TTC29: variants seen among roughly 807,000 people sequenced by gnomAD.
TTC29 encodes the protein tetratricopeptide repeat protein 29.
Under a neutral mutation model 58.1 loss-of-function variants are expected in TTC29, and 49 were observed. The ratio of observed to expected loss-of-function variants is 0.84; its 90% CI spans 0.67 to 1.07. The LOEUF (loss-of-function observed/expected upper bound fraction) is 1.07, where lower values mean the gene tolerates loss of function less well. Among genes scored for constraint, TTC29 ranks in the 50% least tolerant of loss-of-function variants. The probability of loss-of-function intolerance (pLI) is 0.00; values close to 1 mark genes in which losing one functional copy is unlikely to be tolerated. For missense variants in TTC29, 582 were observed against 555.6 expected (o/e 1.05, Z -0.48); for synonymous variants, 209 against 196.8 (o/e 1.06, Z -0.52).
At chr4:146,919,878 T>C (rs1579985066) in intron 4 of TTC29, among the ~76,000 whole-genome samples, 2 of 151,220 alleles carry the variant, frequency 1.3e-5, no homozygotes, top group Middle Eastern at 6.8e-3. Flanking sequence ...AAAAACAAGT[T>C]GCATTATAAA....
chr4:146,809,350 C>A lies in TTC29; in HGVS notation c.1102-5665G>T, dbSNP rs965970357. Reference sequence around the variant, plus strand: ...GGGCAAAGACTTCATGACTAAAGCACCAAAAGCAATGGCAACAAAAGCCAA... The same window carrying A: ...GGGCAAAGACTTCATGACTAAAGCAACAAAAGCAATGGCAACAAAAGCCAA... On this transcript the variant is annotated intron_variant, in intron 10 of 12. Transcript: ENST00000325106. 3.6e-4 allele frequency among the ~76,000 whole-genome samples: 54 copies of A among 149,996 alleles called. 4 individuals are homozygous for A. The highest frequency in any genetic ancestry group is 6.8e-3 in the Middle Eastern group (2 of 292).
At chr4:146,899,948 G>C (rs1733029857) in intron 6 of TTC29, among the ~76,000 whole-genome samples, 1 of 152,188 alleles carries the variant, frequency 6.6e-6, no homozygotes, top group South Asian at 2.1e-4. Context: ...AGCTGTTGCT[G>C]CAAGGCCTCC....
At chr4:146,830,054 A>G (rs564365844) in intron 9 of TTC29, among the ~76,000 whole-genome samples, 8 of 152,184 alleles carry the variant, frequency 5.3e-5, no homozygotes, top group African/African-American at 1.9e-4. Context: ...TAATTTCTCA[A>G]CTGGCTTTCT....
At position 146,710,269 on chromosome 4, in the gene TTC29, G is replaced by A. The variant is rs118017795; in HGVS notation, c.1331-2718C>T. Among the ~76,000 whole-genome samples, 42 of 152,074 alleles carry A rather than the reference G, an allele frequency of 2.8e-4. No homozygotes were observed. In the East Asian group the frequency reaches 7.1e-3, roughly 26 times the overall value. On this transcript the variant is annotated intron_variant, in intron 11 of 12. Transcript: ENST00000325106. ...TTACTTCTGGGCTATGAACCTGTTC[G>A]GCACATTACTATAGTGAATATTGTA...
intron 11 of TTC29, among the ~76,000 whole-genome samples, chr4:146,755,454 C>T (rs1036400205): frequency 6.6e-6 from 1 of 152,112 alleles, no homozygotes; most frequent in African/African-American, 2.4e-5. Context: ...AAGCATCACA[C>T]TTTCTCGTTT....
At chr4:146,708,339 T>TATAC (rs1742178358) in intron 11 of TTC29, among the ~76,000 whole-genome samples, 1 of 74,490 alleles carries the variant, frequency 1.3e-5, no homozygotes, top group Non-Finnish European at 2.9e-5. Context: ...TATATATATA[T>TATAC]ATATATATAT....
At chr4:146,791,097 C>A (rs1749415325) in intron 11 of TTC29, among the ~76,000 whole-genome samples, 1 of 152,152 alleles carries the variant, frequency 6.6e-6, no homozygotes, top group African/African-American at 2.4e-5. Context: ...ATATTCTCGA[C>A]TGAGTTGAGA....
intron 8 of TTC29, among the ~76,000 whole-genome samples, chr4:146,834,674 G>A (rs933306386): frequency 6.6e-6 from 1 of 152,030 alleles, no homozygotes; most frequent in East Asian, 1.9e-4. Flanking sequence ...AATCCTTTTT[G>A]CACATTTTCT....
At chr4:146,708,308 TTATATATATATATATATATATATA>T (rs59963230) in intron 11 of TTC29, among the ~76,000 whole-genome samples, 30 of 62,198 alleles carry the variant, frequency 4.8e-4, no homozygotes, top group African/African-American at 8.4e-4. Context: ...TATGGGAAGT[TTATATATATATATATATATATATA>T]TATATATATA....
chr4:146,812,584 A>T (rs1372255904), intron 10 of TTC29, among the ~76,000 whole-genome samples: 2 of 152,202 alleles, frequency 1.3e-5, no homozygotes, highest in East Asian at 1.9e-4. Flanking sequence ...TGGGAGCTTT[A>T]TAATTAGCTA....
chr4:146,862,045 A>T (rs1035887124), intron 8 of TTC29, among the ~76,000 whole-genome samples: 1 of 152,158 alleles, frequency 6.6e-6, no homozygotes, highest in African/African-American at 2.4e-5. Context: ...CTCTCTTCAC[A>T]GCTACACTAT....
chr4:146,734,730 T>C (rs1744596742), intron 11 of TTC29, among the ~76,000 whole-genome samples: 1 of 152,104 alleles, frequency 6.6e-6, no homozygotes, highest in Non-Finnish European at 1.5e-5. Context: ...TGATGATTGC[T>C]GTGGTGTGAA....
chr4:146,773,574 G>C (rs1019638994), intron 11 of TTC29, among the ~76,000 whole-genome samples: 2 of 152,060 alleles, frequency 1.3e-5, no homozygotes, highest in African/African-American at 4.8e-5. Flanking sequence ...CAGACTACTT[G>C]ATCATAGGCT....
chr4:146,884,044 G>A (rs1463163794), intron 6 of TTC29, among the ~76,000 whole-genome samples: 1 of 151,930 alleles, frequency 6.6e-6, no homozygotes, highest in Non-Finnish European at 1.5e-5. Context: ...ATCAAACATG[G>A]TATAATTTTC....
rs540839426 is a variant in TTC29, at chr4:146,734,555, G to A, written c.1331-27004C>T. 3.3e-5 allele frequency among the ~76,000 whole-genome samples: 5 copies of A among 152,242 alleles called. No individual in the cohort carries two copies. In the South Asian group the frequency reaches 1.0e-3, roughly 32 times the overall value. On this transcript the variant is annotated intron_variant, in intron 11 of 12. Transcript: ENST00000325106. ...TTCCAGGACTTGCGACAGGTGTCTG[G>A]GGGTGTGGGAGACAGTCTTGGGGAC...
intron 2 of TTC29, among the ~76,000 whole-genome samples, chr4:146,940,746 T>G (rs1254805128): frequency 6.6e-6 from 1 of 152,216 alleles, no homozygotes; most frequent in Non-Finnish European, 1.5e-5. Flanking sequence ...CCTCACATCA[T>G]GGCAACCTAA....
chr4:146,914,225 A>G (rs1291358383), intron 4 of TTC29, among the ~76,000 whole-genome samples: 1 of 152,178 alleles, frequency 6.6e-6, no homozygotes, highest in Non-Finnish European at 1.5e-5. Context: ...TTAGATTTGA[A>G]TTTCTCAGGT....
chr4:146,842,929 C>T (rs963796424), intron 8 of TTC29, among the ~76,000 whole-genome samples: 1 of 152,138 alleles, frequency 6.6e-6, no homozygotes. Flanking sequence ...TGATTTCTGG[C>T]AATCTAACCC....
chr4:146,896,282 C>T (rs1393353146), intron 6 of TTC29, among the ~76,000 whole-genome samples: 1 of 152,172 alleles, frequency 6.6e-6, no homozygotes, highest in Non-Finnish European at 1.5e-5. Context: ...CAGAAGTTTG[C>T]TCTATAGCCC....
Sources: gnomAD v4.1 joint callset for allele counts (sites outside exome capture counted in the v4.1 genomes callset) on GRCh38, gnomAD v4.1.1 for gene constraint, MANE v1.5 for transcripts, NCBI Gene and HGNC (gene_info 2026-07-23, HGNC 2026-07-21) for gene names.